Variants in GCSAML observed in about 807,000 individuals in gnomAD.
The protein encoded by GCSAML is germinal center associated signaling and motility like.
Under a neutral mutation model 13.0 loss-of-function variants are expected in GCSAML, and 9 were observed. The ratio of observed to expected loss-of-function variants is 0.69; its 90% CI spans 0.42 to 1.21. GCSAML has a LOEUF of 1.21. GCSAML is among the 50% of genes most tolerant of loss of function. The pLI is 0.00. For synonymous variants in GCSAML, 37 were observed against 52.9 expected (o/e 0.70, Z 1.31); for missense variants, 143 against 153.4 (o/e 0.93, Z 0.36).
intron 2 of GCSAML, 29 bp downstream of exon 2, chr1:247,556,495 T>C (rs1667955637): frequency 6.9e-7 from 1 of 1,455,646 alleles, no homozygotes; most frequent in Admixed American, 1.9e-5. Flanking sequence ...AGAGTTTTTT[T>C]GTTTTGTTTT....
At chr1:247,554,178 C>T (rs995964561) in intron 1 of GCSAML, among the ~76,000 whole-genome samples, 3 of 152,112 alleles carry the variant, frequency 2.0e-5, no homozygotes, top group East Asian at 1.9e-4. Context: ...AAATTGTGTA[C>T]GCAGCTGTGT....
rs550447580 is a variant in GCSAML, at chr1:247,517,952, G to A, written c.-262-8988G>A. On this transcript the variant is annotated intron_variant, in intron 1 of 5. Transcript: ENST00000366489. The stretch of plus-strand genomic sequence containing the variant: ...CTGGAGACGGTCCCGTTTGTGGTCA[G>A]CACGGCCTTTTACTTTCTGGCCGTG... Among the ~76,000 whole-genome samples, 36 of 152,350 alleles carry A rather than the reference G, an allele frequency of 2.4e-4. 1 individual carries two copies. Among genetic ancestry groups the A allele is most frequent in the Admixed American group, 1.4e-3 (21 of 15,298 alleles).
chr1:247,556,388 C>G lies in GCSAML; in HGVS notation c.30-19C>G. The G allele has an allele frequency of 6.3e-7, 1 of 1,584,296 alleles. No individual in the cohort carries two copies. The highest frequency in any genetic ancestry group is 8.6e-7 in the Non-Finnish European group (1 of 1,156,718). ...AGGGCAGTAACAATCTCTCTTTTTT[C>G]TTATGTGTTTCCATATAGTTGCCTG... is the stretch of plus-strand genomic sequence containing the variant. On this transcript the variant is annotated intron_variant, in intron 1 of 4. Transcript: ENST00000366488.
At chr1:247,518,799 G>A (rs946539130) in intron 1 of GCSAML, among the ~76,000 whole-genome samples, 4 of 152,196 alleles carry the variant, frequency 2.6e-5, no homozygotes, top group African/African-American at 9.7e-5. Flanking sequence ...GACCAGCCTG[G>A]GCAATACAGC....
At chr1:247,508,867 G>C (rs1572271448) in intron 1 of GCSAML, among the ~76,000 whole-genome samples, 1 of 152,146 alleles carries the variant, frequency 6.6e-6, no homozygotes, top group Non-Finnish European at 1.5e-5. Context: ...CTATGTGTCT[G>C]TTTTGGTACC....
chr1:247,516,553 GT>G (rs10710175), intron 1 of GCSAML, among the ~76,000 whole-genome samples: 98,858 of 136,042 alleles, frequency 0.73, 36,498 homozygotes, highest in East Asian at 0.96. Context: ...CATGTTGACT[GT>G]TTTTTTTTTT....
rs780668339 is a variant in GCSAML at position 247,549,204 on chromosome 1, C to A, written c.13C>A (p.Leu5Ile). The A allele has an allele frequency of 6.2e-7, 1 of 1,614,084 alleles. No homozygotes were observed. The highest frequency in any genetic ancestry group is 1.1e-5 in the South Asian group (1 of 91,076). The change falls in exon 1 of 5, where the codon CTC becomes ATC. Residue 5 changes from leucine to isoleucine, a missense_variant. Physicochemically the swap from Leu to Ile is conservative, Grantham distance 5 (BLOSUM62 2). Coordinates refer to ENST00000366488, the MANE Select transcript of GCSAML (RefSeq NM_145278.5). MGNY[L>I]LRKLSCLGEN... ...TCACTGTGAAAAGATGGGAAATTATCTCCTGCGAAAACTCAGGTGAGTCTT... is the reference window on the plus strand; with the variant it reads ...TCACTGTGAAAAGATGGGAAATTATATCCTGCGAAAACTCAGGTGAGTCTT...
At chr1:247,565,409 G>A (rs1392588035) in intron 3 of GCSAML, among the ~76,000 whole-genome samples, 1 of 151,666 alleles carries the variant, frequency 6.6e-6, no homozygotes, top group African/African-American at 2.4e-5. Context: ...TATGTAAATT[G>A]CTTCAGCATT....
At chr1:247,531,784 G>T (rs767243257) in intron 2 of GCSAML, 2 of 1,614,194 alleles carry the variant, frequency 1.2e-6, no homozygotes, top group South Asian at 2.2e-5. Flanking sequence ...CACGTGGGAA[G>T]AACAGGTGTT....
rs752566882 is a variant in GCSAML at position 247,549,162 on chromosome 1, G to A, written c.-30G>A. On this transcript the variant is annotated 5_prime_UTR_variant, in exon 1 of 5. Coordinates refer to ENST00000366488, the MANE Select transcript of GCSAML (RefSeq NM_145278.5). ...ACTTCCCCAAGTGGAGTGAAACTCA[G>A]GAGCTGAGAAACCGAGTCACTGTGA... is the stretch of plus-strand genomic sequence containing the variant. 22 of 1,614,138 alleles carry A rather than the reference G, an allele frequency of 1.4e-5. No homozygotes were observed. In the Middle Eastern group the frequency reaches 8.2e-4, roughly 61 times the overall value.
chr1:247,569,889 G>A (rs186336554), intron 4 of GCSAML, among the ~76,000 whole-genome samples: 16 of 152,272 alleles, frequency 1.1e-4, no homozygotes, highest in African/African-American at 3.8e-4. Flanking sequence ...TTCAGAACTT[G>A]TTATTGGTCC....
chr1:247,521,839 C>A (rs1666443678), intron 1 of GCSAML, among the ~76,000 whole-genome samples: 1 of 152,072 alleles, frequency 6.6e-6, no homozygotes, highest in South Asian at 2.1e-4. Flanking sequence ...GCCTGGCTGC[C>A]CATCGTCTGG....
At chr1:247,549,344 C>A in intron 1 of GCSAML, 124 bp downstream of exon 1, 1 of 777,500 alleles carries the variant, frequency 1.3e-6, no homozygotes, top group Non-Finnish European at 2.1e-6. Context: ...CTGAAGACAG[C>A]ATCCTCTAGG....
intron 1 of GCSAML, among the ~76,000 whole-genome samples, chr1:247,515,006 G>A (rs1666164542): frequency 6.6e-6 from 1 of 152,150 alleles, no homozygotes; most frequent in Admixed American, 6.5e-5. Context: ...GAGTGATGGT[G>A]GTATTTTGAT....
At chr1:247,522,644 G>A (rs1332647029) in intron 1 of GCSAML, among the ~76,000 whole-genome samples, 1 of 152,138 alleles carries the variant, frequency 6.6e-6, no homozygotes, top group Non-Finnish European at 1.5e-5. Flanking sequence ...AACATGTGCT[G>A]TGTCCACTCA....
upstream of GCSAML, among the ~76,000 whole-genome samples, chr1:247,547,068 A>G (rs1272640024): frequency 2.0e-5 from 3 of 152,014 alleles, no homozygotes; most frequent in Non-Finnish European, 4.4e-5. Context: ...ATGCCATTGT[A>G]CTCCAGCCTG....
At position 247,577,398 on chromosome 1, in the gene GCSAML, G is replaced by C. The variant is rs2103090121; in HGVS notation, c.*3016G>C. 6.6e-6 allele frequency: 1 copy of C among 152,210 alleles called. No individual in the cohort carries two copies. Among genetic ancestry groups the C allele is most frequent in the Admixed American group, 6.5e-5 (1 of 15,292 alleles). The allele number at this position is 152,210 out of a possible 1,614,324, so 9.4% of individuals were successfully genotyped here. A position where few individuals can be genotyped will look rare whatever the true frequency, so the allele number is the denominator to read the frequency against. Reference sequence around the variant, plus strand: ...CTTTTCCCTGAGTTTCACCAGTCCTGGCAACCAATGATCTGCTTCGTATAA... The same window carrying C: ...CTTTTCCCTGAGTTTCACCAGTCCTCGCAACCAATGATCTGCTTCGTATAA... On this transcript the variant is annotated 3_prime_UTR_variant, in exon 5 of 5. Transcript: ENST00000366488.
At chr1:247,525,328 G>T (rs1666636006) in intron 1 of GCSAML, 1 of 152,184 alleles carries the variant, frequency 6.6e-6, no homozygotes, top group African/African-American at 2.4e-5. Flanking sequence ...GGTCTGCTGG[G>T]TGAGGGCTAA....
chr1:247,567,927 G>A (rs576907840), intron 4 of GCSAML, among the ~76,000 whole-genome samples: 4 of 152,300 alleles, frequency 2.6e-5, no homozygotes, highest in African/African-American at 9.6e-5. Context: ...CTAATGACTG[G>A]TGATGATTAG....
Sources: allele counts gnomAD v4.1 joint callset (sites outside exome capture counted in the v4.1 genomes callset), GRCh38; gene constraint gnomAD v4.1.1; transcripts MANE v1.5; gene names NCBI Gene and HGNC (gene_info 2026-07-23, HGNC 2026-07-21).